The following PCDH9 variants were observed in gnomAD, a reference collection of about 807,000 sequenced individuals.
PCDH9 encodes the protein protocadherin-9.
Under a neutral mutation model 70.6 loss-of-function variants are expected in PCDH9, and 24 were observed. The observed-to-expected ratio is 0.34, with a 90% CI of 0.25 to 0.48. PCDH9 has a LOEUF of 0.48. Ranked by LOEUF, PCDH9 falls within the 20% of genes least tolerant of loss-of-function variation. PCDH9 has a pLI of 0.99. For synonymous variants in PCDH9, 562 were observed against 558.5 expected, an observed-to-expected ratio of 1.01 and a Z score of -0.09; for missense variants, 1,281 against 1,503.6, an observed-to-expected ratio of 0.85 and a Z score of 2.45.
intron 3 of PCDH9, among the ~76,000 whole-genome samples, chr13:66,814,276 T>G (rs996265229): frequency 6.6e-6 from 1 of 152,144 alleles, no homozygotes; most frequent in African/African-American, 2.4e-5. Context: ...ATAATCACCA[T>G]GGAAATTTAA....
At chr13:66,541,682 G>C (rs1218360358) in intron 4 of PCDH9, among the ~76,000 whole-genome samples, 2 of 152,096 alleles carry the variant, frequency 1.3e-5, no homozygotes, top group Non-Finnish European at 2.9e-5. Flanking sequence ...CTCTAACCCA[G>C]TGTAACCTCA....
chr13:67,189,280 ATATCT>A (rs1011545357), intron 2 of PCDH9, among the ~76,000 whole-genome samples: 1 of 151,952 alleles, frequency 6.6e-6, no homozygotes, highest in Non-Finnish European at 1.5e-5. Flanking sequence ...ATTTGGAGAA[ATATCT>A]TAATTTAAAA....
intron 3 of PCDH9, among the ~76,000 whole-genome samples, chr13:66,880,967 C>A (rs1166331415): frequency 6.6e-6 from 1 of 152,146 alleles, no homozygotes; most frequent in East Asian, 1.9e-4. Context: ...ATTACTACAC[C>A]TTTTACACCT....
intron 2 of PCDH9, among the ~76,000 whole-genome samples, chr13:66,959,990 A>G (rs1021917806): frequency 2.0e-5 from 3 of 152,160 alleles, no homozygotes; most frequent in Admixed American, 2.0e-4. Flanking sequence ...AACAGCATCT[A>G]ACAAATCAGA....
chr13:66,841,612 G>C (rs550112505), intron 3 of PCDH9, among the ~76,000 whole-genome samples: 2 of 152,062 alleles, frequency 1.3e-5, no homozygotes, highest in Admixed American at 1.3e-4. Context: ...TGAAAAGTCT[G>C]ATCTATAACC....
intron 3 of PCDH9, among the ~76,000 whole-genome samples, chr13:66,801,012 T>C (rs548631900): frequency 0.046 from 2,396 of 51,692 alleles, 73 homozygotes; most frequent in African/African-American, 0.096. Context: ...TTTCTTTCTT[T>C]CCTTTTTTTT....
intron 3 of PCDH9, among the ~76,000 whole-genome samples, chr13:66,780,753 G>A (rs1433678870): frequency 6.6e-6 from 1 of 151,752 alleles, no homozygotes; most frequent in African/African-American, 2.4e-5. Context: ...CCTCCACAGT[G>A]GAATGTAAGT....
At chr13:66,730,177 A>AT (rs1335812635) in intron 3 of PCDH9, among the ~76,000 whole-genome samples, 2 of 151,932 alleles carry the variant, frequency 1.3e-5, no homozygotes, top group African/African-American at 2.4e-5. Context: ...ATATGCATTC[A>AT]TTTTTTTCAT....
At chr13:66,560,984 C>A (rs1961988494) in intron 4 of PCDH9, among the ~76,000 whole-genome samples, 1 of 152,226 alleles carries the variant, frequency 6.6e-6, no homozygotes, top group African/African-American at 2.4e-5. Flanking sequence ...AGCCCTTCAG[C>A]CTGCCGCTGC....
At chr13:67,035,816 T>A (rs1318200720) in intron 2 of PCDH9, among the ~76,000 whole-genome samples, 1 of 152,114 alleles carries the variant, frequency 6.6e-6, no homozygotes, top group East Asian at 1.9e-4. Context: ...TGAGAATTCA[T>A]CTTTACAAAG....
At chr13:66,643,124 A>G (rs1408619218) in intron 3 of PCDH9, among the ~76,000 whole-genome samples, 1 of 152,076 alleles carries the variant, frequency 6.6e-6, no homozygotes, top group Non-Finnish European at 1.5e-5. Flanking sequence ...AATAATATCA[A>G]GATATTTTGG....
intron 2 of PCDH9, among the ~76,000 whole-genome samples, chr13:67,134,871 T>C (rs1445285809): frequency 6.6e-6 from 1 of 152,072 alleles, no homozygotes; most frequent in Non-Finnish European, 1.5e-5. Flanking sequence ...CTCAAACAAC[T>C]GATTATTTAA....
intron 4 of PCDH9, among the ~76,000 whole-genome samples, chr13:66,577,682 T>C (rs531361027): frequency 6.6e-5 from 10 of 152,054 alleles, no homozygotes; most frequent in African/African-American, 2.4e-4. Flanking sequence ...GGCTTACTGA[T>C]AGGAGATTGC....
chr13:67,064,544 C>A (rs1034719538), intron 2 of PCDH9, among the ~76,000 whole-genome samples: 1 of 152,108 alleles, frequency 6.6e-6, no homozygotes, highest in African/African-American at 2.4e-5. Context: ...GAAGTCTTTT[C>A]ATCATAATGT....
At chr13:66,531,028 C>T (rs1960428188) in intron 4 of PCDH9, among the ~76,000 whole-genome samples, 1 of 151,520 alleles carries the variant, frequency 6.6e-6, no homozygotes, top group Non-Finnish European at 1.5e-5. Context: ...ATTATCATGA[C>T]AATGCTGCAG....
At chr13:67,155,784 A>AATT (rs948486729) in intron 2 of PCDH9, among the ~76,000 whole-genome samples, 11 of 151,854 alleles carry the variant, frequency 7.2e-5, no homozygotes, top group African/African-American at 2.4e-4. Flanking sequence ...TAATAATAAT[A>AATT]ATTATTATTA....
chr13:66,883,168 CT>C (rs1566264798), intron 3 of PCDH9, among the ~76,000 whole-genome samples: 2 of 152,138 alleles, frequency 1.3e-5, no homozygotes, highest in African/African-American at 4.8e-5. Flanking sequence ...TTATATATAT[CT>C]ACATCACCTC....
chr13:66,804,780 A>G (rs542629794), intron 3 of PCDH9, among the ~76,000 whole-genome samples: 9 of 152,304 alleles, frequency 5.9e-5, no homozygotes, highest in Admixed American at 5.2e-4. Flanking sequence ...AAGAAGAGCA[A>G]TTTCAAGGCT....
chr13:66,422,317 CATCTATAGAA>C (rs1957581889), intron 4 of PCDH9, among the ~76,000 whole-genome samples: 2 of 152,164 alleles, frequency 1.3e-5, no homozygotes, highest in South Asian at 4.1e-4. Context: ...ATCTAATAGA[CATCTATAGAA>C]CTCTCTGCCC....
Sources: allele counts gnomAD v4.1 joint callset (sites outside exome capture counted in the v4.1 genomes callset), GRCh38; gene constraint gnomAD v4.1.1; transcripts MANE v1.5; gene names NCBI Gene and HGNC (gene_info 2026-07-23, HGNC 2026-07-21).